The following MORC1 variants were observed in gnomAD, a reference collection of about 807,000 sequenced individuals.
MORC1 encodes the protein MORC family CW-type zinc finger 1.
In MORC1, 59 loss-of-function variants were observed where a neutral mutation model predicts 134.9. The observed-to-expected ratio is 0.44, with a 90% CI of 0.35 to 0.54. The LOEUF is 0.54. Ranked by LOEUF, MORC1 falls within the 20% of genes least tolerant of loss-of-function variation. MORC1 has a pLI of 0.00. For missense variants in MORC1, 947 were observed against 1,134.5 expected, an observed-to-expected ratio of 0.83 and a Z score of 2.37; for synonymous variants, 395 against 391.7, an observed-to-expected ratio of 1.01 and a Z score of -0.10.
rs1457115456 is a variant in MORC1 at position 109,043,779 on chromosome 3, C to T, written c.1331-8311G>A. On this transcript the variant is annotated intron_variant, in intron 14 of 27. Coordinates refer to ENST00000232603, the MANE Select transcript of MORC1 (RefSeq NM_014429.4). ...CTGCACCTAACAAGCCCTCAACCAA[C>T]GTTGCTGCTATTCTTGACAAAATGC... Among the ~76,000 whole-genome samples, 3 of 152,166 alleles carry T rather than the reference C, an allele frequency of 2.0e-5. No homozygotes were observed. In the East Asian group the frequency reaches 5.8e-4, roughly 29 times the overall value.
intron 2 of MORC1, among the ~76,000 whole-genome samples, chr3:109,113,509 A>C (rs1951210909): frequency 6.6e-6 from 1 of 152,190 alleles, no homozygotes; most frequent in African/African-American, 2.4e-5. Flanking sequence ...CACTGTTATC[A>C]ACCAGTGGCA....
chr3:108,971,906 G>A (rs2593944), intron 24 of MORC1, among the ~76,000 whole-genome samples: 59,140 of 151,956 alleles, frequency 0.39, 11,947 homozygotes, highest in Middle Eastern at 0.56. Flanking sequence ...CGCAATCCAT[G>A]AACAACCAGT....
At chr3:109,041,289 CGACA>C (rs1393266686) in intron 14 of MORC1, among the ~76,000 whole-genome samples, 3 of 149,886 alleles carry the variant, frequency 2.0e-5, no homozygotes, top group African/African-American at 4.9e-5. Context: ...CCAGCCTGGG[CGACA>C]GACAAAGACT....
At chr3:109,064,142 C>T (rs991484312) in intron 9 of MORC1, among the ~76,000 whole-genome samples, 10 of 151,910 alleles carry the variant, frequency 6.6e-5, no homozygotes, top group South Asian at 4.2e-4. Context: ...TGTATGCATG[C>T]GTGTGTACAT....
At position 109,027,872 on chromosome 3, in the gene MORC1, C is replaced by G. The variant is rs1949121926; in HGVS notation, c.1583G>C (p.Cys528Ser). 6.2e-7 allele frequency: 1 copy of G among 1,613,320 alleles called. No individual in the cohort carries two copies. Residue 528 changes from cysteine to serine, a missense_variant, in exon 17 of 28, where the codon TGT (cysteine) becomes TCT (serine). Coordinates refer to ENST00000232603, the MANE Select transcript of MORC1 (RefSeq NM_014429.4). ...RLENSCHQVE[C>S]LPSIPLGTMS... The stretch of plus-strand genomic sequence containing the variant: ...GGTGCCCAGTGGGATGGAAGGTAGA[C>G]ATTCTACCTGATGACAACTTCAGAA...
At chr3:108,967,282 G>A (rs1947247526) in intron 26 of MORC1, among the ~76,000 whole-genome samples, 1 of 152,128 alleles carries the variant, frequency 6.6e-6, no homozygotes, top group Non-Finnish European at 1.5e-5. Flanking sequence ...TTTAGAAACA[G>A]ATATAAAACG....
chr3:109,062,134 G>A lies in MORC1; in HGVS notation c.896-76C>T, dbSNP rs1576696099. ...TTTTAAGTGAGTATTTTCTATACAT[G>A]TAGCATGACCAGTGAAAAAGGCATA... On this transcript the variant is annotated intron_variant, in intron 10 of 27. Coordinates refer to ENST00000232603, the MANE Select transcript of MORC1 (RefSeq NM_014429.4). 10 of 1,307,866 alleles carry A rather than the reference G, an allele frequency of 7.6e-6. No individual in the cohort carries two copies. The Admixed American group carries it at 1.7e-4, about 22-fold the overall frequency. The allele number at this position is 1,307,866 out of a possible 1,614,324, so 81.0% of individuals were successfully genotyped here.
chr3:109,100,009 C>T (rs547428241), intron 5 of MORC1, among the ~76,000 whole-genome samples: 1 of 151,898 alleles, frequency 6.6e-6, no homozygotes, highest in Non-Finnish European at 1.5e-5. Context: ...TTTGGGAGGC[C>T]GAGGCGGGCT....
rs936513020 is a variant in MORC1, at chr3:109,000,613, C to G, written c.2131G>C (p.Glu711Gln). The G allele has an allele frequency of 6.2e-7, 1 of 1,611,764 alleles. No homozygotes were observed. Among genetic ancestry groups the G allele is most frequent in the Non-Finnish European group, 8.5e-7 (1 of 1,179,200 alleles). ...TCTTCAGTCAATACCTTACATTCCTCTACAAAGTTCAGACTCTGCTTCCTT... is the reference window on the plus strand; with the variant it reads ...TCTTCAGTCAATACCTTACATTCCTGTACAAAGTTCAGACTCTGCTTCCTT... ...MKRKQSLNFVEECKVLTEDEN... is the reference protein window; with the variant it reads ...MKRKQSLNFVQECKVLTEDEN... Residue 711 changes from glutamate to glutamine, a missense_variant, in exon 21 of 28, where the codon GAG becomes CAG. Around this residue, in one of 3 missense-constraint regions of MORC1, gnomAD observed 722 missense variants for 817.0 expected, o/e 0.88. Transcript: ENST00000232603.
intron 24 of MORC1, among the ~76,000 whole-genome samples, chr3:108,977,291 G>A (rs1331513159): frequency 2.6e-5 from 4 of 152,176 alleles, no homozygotes; most frequent in Non-Finnish European, 5.9e-5. Context: ...GAATTTGTGA[G>A]AATAGAAACT....
In MORC1 at chr3:108,973,601, T is replaced by G. The variant is rs1379826352; in HGVS notation, c.2478-2199A>C. ...TTTTGTTTGCTTTGTTTTGGTTTTT[T>G]TTTTTTTTTTTCAGACTGAGTCTCA... On this transcript the variant is annotated intron_variant, in intron 24 of 27. Transcript: ENST00000232603. Among the ~76,000 whole-genome samples the G allele has an allele frequency of 9.2e-4, 138 of 149,458 alleles. 1 individual carries two copies. The highest frequency in any genetic ancestry group is 1.7e-3 in the African/African-American group (69 of 40,854).
chr3:109,003,391 G>GCACACACACACACACACACACA (rs3054383), intron 20 of MORC1, among the ~76,000 whole-genome samples: 1 of 146,650 alleles, frequency 6.8e-6, no homozygotes, highest in Non-Finnish European at 1.5e-5. Flanking sequence ...ATATGTGTAT[G>GCACACACACACACACACACACA]CACACACACA....
intron 8 of MORC1, among the ~76,000 whole-genome samples, chr3:109,080,041 A>C (rs775057773): frequency 6.6e-6 from 1 of 152,184 alleles, no homozygotes; most frequent in Non-Finnish European, 1.5e-5. Context: ...CCTGGATATA[A>C]TACTATTATT....
At chr3:108,963,788 T>C in intron 26 of MORC1, among the ~76,000 whole-genome samples, 180 bp from the exon 27 acceptor site, 1 of 152,166 alleles carries the variant, frequency 6.6e-6, no homozygotes, top group East Asian at 1.9e-4. Context: ...GATAGAAGAC[T>C]AAGAGAGAAG....
chr3:109,096,452 T>C (rs953411021), intron 6 of MORC1, among the ~76,000 whole-genome samples: 2 of 152,170 alleles, frequency 1.3e-5, no homozygotes, highest in African/African-American at 2.4e-5. Flanking sequence ...GCTCATTATA[T>C]GCTAATTATA....
chr3:109,083,184 T>C (rs1467792000), intron 8 of MORC1, among the ~76,000 whole-genome samples: 2 of 152,152 alleles, frequency 1.3e-5, no homozygotes, highest in South Asian at 2.1e-4. Context: ...CCAGCAAAGC[T>C]ATCCTTCAAA....
intron 21 of MORC1, among the ~76,000 whole-genome samples, chr3:108,989,166 A>G (rs1055568787): frequency 6.6e-6 from 1 of 152,074 alleles, no homozygotes; most frequent in Non-Finnish European, 1.5e-5. Flanking sequence ...TGTTTTTTCG[A>G]TTATGTTATT....
intron 23 of MORC1, among the ~76,000 whole-genome samples, chr3:108,982,023 T>C (rs1374751407): frequency 2.0e-5 from 3 of 152,170 alleles, no homozygotes; most frequent in Non-Finnish European, 4.4e-5. Context: ...AAAGGGCTAA[T>C]ATCCAGAATC....
At chr3:108,976,068 G>A (rs1454081718) in intron 24 of MORC1, among the ~76,000 whole-genome samples, 1 of 152,088 alleles carries the variant, frequency 6.6e-6, no homozygotes, top group Non-Finnish European at 1.5e-5. Context: ...TATTTGGGAA[G>A]TCAACAAACT....
Sources: gnomAD v4.1 joint callset for allele counts (sites outside exome capture counted in the v4.1 genomes callset) on GRCh38, gnomAD v4.1.1 for gene constraint, gnomAD v4.1.1 regional missense constraint, MANE v1.5 for transcripts, NCBI Gene and HGNC (gene_info 2026-07-23, HGNC 2026-07-21) for gene names.